The following CDH13 variants were observed in gnomAD, a reference collection of about 807,000 sequenced individuals.
CDH13 encodes the protein cadherin-13.
CDH13 carries 24 observed loss-of-function variants against 63.8 expected under a neutral mutation model. That is an observed-to-expected ratio of 0.38 (90% CI 0.27 to 0.53). The LOEUF is 0.53. Among genes scored for constraint, CDH13 ranks in the 20% least tolerant of loss-of-function variants. The probability of loss-of-function intolerance (pLI) is 0.85; values close to 1 mark genes in which losing one functional copy is unlikely to be tolerated. For missense variants in CDH13, 1,049 were observed against 903.1 expected (o/e 1.16, Z -2.07); for synonymous variants, 503 against 355.3 (o/e 1.42, Z -4.67).
intron 5 of CDH13, among the ~76,000 whole-genome samples, chr16:83,323,947 C>G (rs2080013953): frequency 6.6e-6 from 1 of 152,206 alleles, no homozygotes; most frequent in Non-Finnish European, 1.5e-5. Flanking sequence ...AATTCACACA[C>G]CACACAATTC....
intron 7 of CDH13, among the ~76,000 whole-genome samples, chr16:83,561,447 C>A (rs970813175): frequency 3.1e-5 from 4 of 128,174 alleles, no homozygotes; most frequent in African/African-American, 1.1e-4. Flanking sequence ...AAAAAAAAAA[C>A]TTCAAGCAAG....
rs369201459 is a variant in CDH13, at chr16:82,986,213, T to G, written c.158-45797T>G. Among the ~76,000 whole-genome samples, 3 of 152,298 alleles carry G rather than the reference T, an allele frequency of 2.0e-5. No individual in the cohort carries two copies. In the South Asian group the frequency reaches 6.2e-4, roughly 32 times the overall value. On this transcript the variant is annotated intron_variant, in intron 2 of 13. Transcript: ENST00000567109. ...ACTCTGTAGAGATCAATACTGTCCC[T>G]AGGATGCTGTGAATTTTCATATTGG...
At chr16:82,815,637 G>C (rs1016942350) in intron 1 of CDH13, among the ~76,000 whole-genome samples, 6 of 152,178 alleles carry the variant, frequency 3.9e-5, no homozygotes, top group South Asian at 4.1e-4. Flanking sequence ...GGTGGATGCT[G>C]CTTCGTTTGT....
chr16:83,090,193 A>G (rs772981983), intron 3 of CDH13, among the ~76,000 whole-genome samples: 4 of 151,864 alleles, frequency 2.6e-5, no homozygotes, highest in Admixed American at 6.6e-5. Context: ...CTTTTCCTCA[A>G]TTTCAGGCTC....
intron 1 of CDH13, among the ~76,000 whole-genome samples, chr16:82,847,770 G>C (rs1024234077): frequency 2.0e-5 from 3 of 152,128 alleles, no homozygotes; most frequent in Admixed American, 6.5e-5. Flanking sequence ...GCATGTGAAG[G>C]CCATTCACTC....
At chr16:82,817,171 C>A (rs1555523459) in intron 1 of CDH13, among the ~76,000 whole-genome samples, 3 of 135,568 alleles carry the variant, frequency 2.2e-5, no homozygotes, top group South Asian at 5.1e-4. Flanking sequence ...TCACTCTTCG[C>A]CCCCCACTGC....
chr16:83,540,955 C>T (rs1394105196), intron 7 of CDH13, among the ~76,000 whole-genome samples: 1 of 152,138 alleles, frequency 6.6e-6, no homozygotes, highest in Non-Finnish European at 1.5e-5. Flanking sequence ...ATTTTTATAT[C>T]CATGATGCCA....
chr16:83,249,493 C>T (rs1905278723), intron 5 of CDH13, among the ~76,000 whole-genome samples: 2 of 152,170 alleles, frequency 1.3e-5, no homozygotes, highest in African/African-American at 4.8e-5. Context: ...TTGAGGCACT[C>T]TGATAAAACT....
At chr16:82,767,503 T>C (rs539513254) in intron 1 of CDH13, among the ~76,000 whole-genome samples, 1 of 152,370 alleles carries the variant, frequency 6.6e-6, no homozygotes, top group South Asian at 2.1e-4. Flanking sequence ...CAAATATTTT[T>C]GTGTTTGTAG....
At chr16:83,193,122 G>T (rs1307894379) in intron 4 of CDH13, among the ~76,000 whole-genome samples, 4 of 150,642 alleles carry the variant, frequency 2.7e-5, no homozygotes, top group Non-Finnish European at 4.4e-5. Context: ...GTGAATGACA[G>T]AATCATCAAC....
chr16:83,750,094 G>C (rs1413131258), intron 11 of CDH13, among the ~76,000 whole-genome samples: 2 of 152,116 alleles, frequency 1.3e-5, no homozygotes, highest in Non-Finnish European at 2.9e-5. Flanking sequence ...CCAGGAGTTT[G>C]AGACCAGCCT....
At chr16:83,086,716 C>G (rs2033619441) in intron 3 of CDH13, among the ~76,000 whole-genome samples, 1 of 152,190 alleles carries the variant, frequency 6.6e-6, no homozygotes, top group Admixed American at 6.5e-5. Flanking sequence ...CACCACCAGT[C>G]TCAAATTCAG....
intron 4 of CDH13, among the ~76,000 whole-genome samples, chr16:83,210,805 C>A (rs566933389): frequency 8.6e-5 from 13 of 151,400 alleles, no homozygotes; most frequent in African/African-American, 2.9e-4. Context: ...ACGCCACAGT[C>A]ACACATGGCA....
intron 7 of CDH13, among the ~76,000 whole-genome samples, chr16:83,528,376 T>C (rs2075008770): frequency 6.6e-6 from 1 of 152,156 alleles, no homozygotes; most frequent in Non-Finnish European, 1.5e-5. Flanking sequence ...TTCCATTAAG[T>C]CTTCTCCTTG....
intron 2 of CDH13, among the ~76,000 whole-genome samples, chr16:82,905,337 T>A (rs1415864340): frequency 1.3e-5 from 2 of 152,158 alleles, no homozygotes; most frequent in East Asian, 3.9e-4. Flanking sequence ...AAAACATATA[T>A]GAACTAATTA....
At chr16:82,799,786 T>C (rs1185975943) in intron 1 of CDH13, among the ~76,000 whole-genome samples, 2 of 152,144 alleles carry the variant, frequency 1.3e-5, no homozygotes, top group African/African-American at 2.4e-5. Flanking sequence ...AATTTGATTT[T>C]CTAAATGGAG....
chr16:82,914,901 A>G (rs923642468), intron 2 of CDH13, among the ~76,000 whole-genome samples: 9 of 152,254 alleles, frequency 5.9e-5, no homozygotes, highest in African/African-American at 1.9e-4. Context: ...CGGTGTCACC[A>G]TGAGTATCAG....
chr16:82,938,736 A>T lies in CDH13; in HGVS notation c.157+80263A>T, dbSNP rs982238562. ...AGACAAGGAAAAAGAAAGGAGAGTC[A>T]ACGTAGGGTGCAGTATTAAGCTATG... On this transcript the variant is annotated intron_variant, in intron 2 of 13. Coordinates refer to ENST00000567109, the MANE Select transcript of CDH13 (RefSeq NM_001257.5). Among the ~76,000 whole-genome samples, 5 of 152,196 alleles carry T rather than the reference A, an allele frequency of 3.3e-5. No individual in the cohort carries two copies. In the South Asian group the frequency reaches 6.2e-4, roughly 19 times the overall value.
At chr16:82,944,626 G>A (rs1278017870) in intron 2 of CDH13, among the ~76,000 whole-genome samples, 3 of 152,150 alleles carry the variant, frequency 2.0e-5, no homozygotes, top group Non-Finnish European at 4.4e-5. Flanking sequence ...ATACAGGACT[G>A]CCTATCATAG....
Sources: allele counts gnomAD v4.1 joint callset (sites outside exome capture counted in the v4.1 genomes callset), GRCh38; gene constraint gnomAD v4.1.1; transcripts MANE v1.5; gene names NCBI Gene and HGNC (gene_info 2026-07-23, HGNC 2026-07-21).